Variants in OR7C1 observed in about 807,000 individuals in gnomAD.
OR7C1 encodes olfactory receptor 7C1.
For synonymous variants in OR7C1, 152 were observed against 160.7 expected, an observed-to-expected ratio of 0.95 and a Z score of 0.41; for missense variants, 324 against 383.3, an observed-to-expected ratio of 0.85 and a Z score of 1.29.
At chr19:14,800,010 G>C (rs1468765508) in exon 5 of OR7C1, 2 of 1,614,106 alleles carry the variant, frequency 1.2e-6, no homozygotes, top group Non-Finnish European at 1.7e-6. Context: ...ATGATGAGCA[G>C]GTTCCCGGTG....
At chr19:14,814,192 T>C (rs1290602881) in intron 1 of OR7C1, among the ~76,000 whole-genome samples, 1 of 147,362 alleles carries the variant, frequency 6.8e-6, no homozygotes, top group East Asian at 1.9e-4. Flanking sequence ...TACATCAAAC[T>C]AAAAACTTCT....
At chr19:14,827,792 G>T (rs1281424241) in intron 1 of OR7C1, 14 of 1,614,064 alleles carry the variant, frequency 8.7e-6, no homozygotes, top group African/African-American at 5.3e-5. Flanking sequence ...GAGCACTCAT[G>T]GTCCAGGATG....
chr19:14,816,696 G>A (rs2145064592), intron 1 of OR7C1, among the ~76,000 whole-genome samples: 1 of 152,182 alleles, frequency 6.6e-6, no homozygotes, highest in South Asian at 2.1e-4. Context: ...ACTTCACCTT[G>A]CGATAATGTG....
rs370526053 is a variant in OR7C1, at chr19:14,821,192, C to G, written c.-622-11199G>C. On this transcript the variant is annotated intron_variant, in intron 1 of 4. Coordinates refer to ENST00000641666, the Ensembl canonical transcript of OR7C1. The stretch of plus-strand genomic sequence containing the variant: ...GGTGGAGGTTGCTGTGAGCTGAGAT[C>G]GCGCCATTGCACTCCAGCCTGGGTG... 1.0e-3 allele frequency among the ~76,000 whole-genome samples: 152 copies of G among 152,190 alleles called. 2 individuals carry two copies. In the South Asian group the frequency reaches 0.03, roughly 30 times the overall value.
rs1418377770 is a variant in OR7C1, at chr19:14,800,279, G to A, written c.-37C>T. 4 of 926,028 alleles carry A rather than the reference G, an allele frequency of 4.3e-6. No individual in the cohort carries two copies. In the African/African-American group the frequency reaches 5.0e-5, roughly 12 times the overall value. 57.4% of individuals were successfully genotyped at this position (926,028 alleles called of 1,614,324 possible). ...GCCTTTTTCTTGCTGTCTTTTTCTG[G>A]GGCATCTGAAATTCTTCCATCCTTT... On this transcript the variant is annotated 5_prime_UTR_variant, in exon 4 of 5. Coordinates refer to ENST00000641666, the Ensembl canonical transcript of OR7C1.
At chr19:14,832,827 A>G (rs1568255473) in intron 1 of OR7C1, among the ~76,000 whole-genome samples, 1 of 152,186 alleles carries the variant, frequency 6.6e-6, no homozygotes, top group East Asian at 1.9e-4. Flanking sequence ...GTTAAATATA[A>G]TCAACTGTAG....
chr19:14,828,306 A>G, intron 1 of OR7C1: 1 of 1,478,368 alleles, frequency 6.8e-7, no homozygotes, highest in South Asian at 1.3e-5. Context: ...TGCATTGCTA[A>G]CCTTTCAGAA....
chr19:14,833,388 A>G (rs1375620632), intron 1 of OR7C1, among the ~76,000 whole-genome samples: 2 of 152,212 alleles, frequency 1.3e-5, no homozygotes, highest in Non-Finnish European at 1.5e-5. Flanking sequence ...CTGAGGTGGG[A>G]GAATCGCTTG....
chr19:14,801,860 C>T (rs936117464), intron 2 of OR7C1, among the ~76,000 whole-genome samples: 1 of 152,156 alleles, frequency 6.6e-6, no homozygotes, highest in Non-Finnish European at 1.5e-5. Flanking sequence ...CATGAGAATC[C>T]CATCACAAGA....
chr19:14,813,364 T>C (rs1165272387), intron 1 of OR7C1, among the ~76,000 whole-genome samples: 1 of 151,570 alleles, frequency 6.6e-6, no homozygotes, highest in Non-Finnish European at 1.5e-5. Context: ...ACCATCCTGA[T>C]CTAACTCGGT....
intron 2 of OR7C1, among the ~76,000 whole-genome samples, chr19:14,808,472 C>T (rs1216705152): frequency 6.6e-5 from 10 of 151,962 alleles, no homozygotes; most frequent in Non-Finnish European, 1.3e-4. Flanking sequence ...TGTGCAGCAA[C>T]ATGGATGGAA....
intron 1 of OR7C1, among the ~76,000 whole-genome samples, chr19:14,812,889 C>A (rs1405652738): frequency 6.6e-6 from 1 of 151,584 alleles, no homozygotes; most frequent in African/African-American, 2.4e-5. Flanking sequence ...CATGGTGAAA[C>A]CCCATCTCTA....
intron 1 of OR7C1, among the ~76,000 whole-genome samples, chr19:14,832,676 C>T (rs1395026071): frequency 2.0e-5 from 3 of 151,596 alleles, no homozygotes; most frequent in African/African-American, 7.3e-5. Flanking sequence ...CCACCCACCT[C>T]GGCCTCCCAA....
intron 1 of OR7C1, among the ~76,000 whole-genome samples, chr19:14,833,590 G>A (rs2044855208): frequency 6.6e-6 from 1 of 152,308 alleles, no homozygotes; most frequent in African/African-American, 2.4e-5. Context: ...AAGATGATAG[G>A]TATATATTTA....
At chr19:14,805,783 C>G (rs1362339051) in intron 2 of OR7C1, among the ~76,000 whole-genome samples, 4 of 151,822 alleles carry the variant, frequency 2.6e-5, no homozygotes, top group Non-Finnish European at 4.4e-5. Context: ...CTTTTTCTAC[C>G]TTCCACATGT....
At chr19:14,834,436 T>C (rs925181308) in intron 1 of OR7C1, among the ~76,000 whole-genome samples, 1 of 152,130 alleles carries the variant, frequency 6.6e-6, no homozygotes, top group Non-Finnish European at 1.5e-5. Flanking sequence ...TTTAGAAGCA[T>C]CAAATCACAG....
exon 2 of OR7C1, chr19:14,809,987 G>A (rs942029352): frequency 2.0e-5 from 3 of 151,980 alleles, no homozygotes; most frequent in African/African-American, 7.3e-5. Context: ...TGAACTGCAG[G>A]TGGGTTCTGC....
At chr19:14,812,133 A>G (rs529008945) in intron 1 of OR7C1, among the ~76,000 whole-genome samples, 1 of 150,268 alleles carries the variant, frequency 6.7e-6, no homozygotes, top group East Asian at 1.9e-4. Context: ...TAGCAAGGGC[A>G]TGCTCTTATT....
At chr19:14,822,068 G>A (rs1472373356) in intron 1 of OR7C1, among the ~76,000 whole-genome samples, 1 of 152,192 alleles carries the variant, frequency 6.6e-6, no homozygotes, top group African/African-American at 2.4e-5. Flanking sequence ...GTGTTCTATT[G>A]TGGATATGCA....
Sources: gnomAD v4.1 joint callset for allele counts (sites outside exome capture counted in the v4.1 genomes callset) on GRCh38, gnomAD v4.1.1 for gene constraint, MANE v1.5 for transcripts, NCBI Gene and HGNC (gene_info 2026-07-23, HGNC 2026-07-21) for gene names.